The following KCNMB1 variants were observed in gnomAD, a reference collection of about 807,000 sequenced individuals.
KCNMB1 encodes potassium calcium-activated channel subfamily M regulatory beta subunit 1.
KCNMB1 carries 22 observed loss-of-function variants against 21.7 expected under a neutral mutation model. That is an observed-to-expected ratio of 1.01 (90% CI 0.72 to 1.45). The LOEUF (loss-of-function observed/expected upper bound fraction) is 1.45, where lower values mean the gene tolerates loss of function less well. Ranked by LOEUF, KCNMB1 falls within the 40% of genes most tolerant of loss-of-function variation. KCNMB1 has a pLI of 0.00. For synonymous variants in KCNMB1, 114 were observed against 107.6 expected, an observed-to-expected ratio of 1.06 and a Z score of -0.37; for missense variants, 243 against 243.4, an observed-to-expected ratio of 1.00 and a Z score of 0.01.
intron 3 of KCNMB1, 146 bp downstream of exon 3, chr5:170,383,533 G>A: frequency 1.2e-6 from 1 of 856,192 alleles, no homozygotes. Flanking sequence ...ACACAGAAGA[G>A]CTAGGGCTGG....
chr5:170,386,339 G>A (rs912941023), intron 1 of KCNMB1, among the ~76,000 whole-genome samples: 1 of 152,150 alleles, frequency 6.6e-6, no homozygotes, highest in Admixed American at 6.6e-5. Flanking sequence ...AGCTGGCGGG[G>A]GCAAGGAACA....
Position 170,376,414 on chromosome 5 carries a change from C to G in KCNMB1, c.*2290G>C, listed in dbSNP as rs930631369. On this transcript the variant is annotated 3_prime_UTR_variant, in exon 4 of 4. Coordinates refer to ENST00000274629, the MANE Select transcript of KCNMB1 (RefSeq NM_004137.4). ...TCCTGACCTCGTGATCTGCCCACCTCGGCCTCCCAAAGTGCTGGGATTACA... is the reference window on the plus strand; with the variant it reads ...TCCTGACCTCGTGATCTGCCCACCTGGGCCTCCCAAAGTGCTGGGATTACA... 1 of 151,990 alleles carries G rather than the reference C, an allele frequency of 6.6e-6. No individual in the cohort carries two copies. The allele number at this position is 151,990 out of a possible 1,614,324, so 9.4% of individuals were successfully genotyped here.
At chr5:170,380,466 T>C (rs745837735) in intron 3 of KCNMB1, among the ~76,000 whole-genome samples, 2 of 152,244 alleles carry the variant, frequency 1.3e-5, no homozygotes, top group African/African-American at 2.4e-5. Context: ...GGCCACTCCC[T>C]GGATTTATAT....
At chr5:170,383,588 T>A (rs768979361) in intron 3 of KCNMB1, 91 bp downstream of exon 3, 2 of 1,442,738 alleles carry the variant, frequency 1.4e-6, no homozygotes, top group South Asian at 2.4e-5. Flanking sequence ...TGGGTTGATC[T>A]TTCTCAGCCT....
chr5:170,379,529 G>T (rs1245184651), intron 3 of KCNMB1, among the ~76,000 whole-genome samples: 2 of 152,164 alleles, frequency 1.3e-5, no homozygotes, highest in Non-Finnish European at 2.9e-5. Flanking sequence ...GTGCCAGGAA[G>T]AATTGCCAGG....
In KCNMB1 at chr5:170,378,587, G is replaced by T; in HGVS notation, c.*117C>A. The T allele has an allele frequency of 2.8e-6, 3 of 1,068,134 alleles. No individual in the cohort carries two copies. The highest frequency in any genetic ancestry group is 4.1e-6 in the Non-Finnish European group (3 of 733,862). 66.2% of individuals were successfully genotyped at this position (1,068,134 alleles called of 1,614,324 possible). On this transcript the variant is annotated 3_prime_UTR_variant, in exon 4 of 4. Coordinates refer to ENST00000274629, the MANE Select transcript of KCNMB1 (RefSeq NM_004137.4). Reference sequence around the variant, plus strand: ...CCTGCAACAGAAGACAGCGTGGATTGGACTGGAAGAGTGGGAGGGCAGGTG... The same window carrying T: ...CCTGCAACAGAAGACAGCGTGGATTTGACTGGAAGAGTGGGAGGGCAGGTG...
At chr5:170,379,909 G>A (rs1031531012) in intron 3 of KCNMB1, among the ~76,000 whole-genome samples, 7 of 149,560 alleles carry the variant, frequency 4.7e-5, no homozygotes, top group East Asian at 2.0e-4. Flanking sequence ...CTATGATCTC[G>A]CAACTACACT....
Position 170,378,647 on chromosome 5 carries a change from T to A in KCNMB1, c.*57A>T. On this transcript the variant is annotated 3_prime_UTR_variant, in exon 4 of 4. Coordinates refer to ENST00000274629, the MANE Select transcript of KCNMB1 (RefSeq NM_004137.4). ...TTGTGCTGCAAGTGGGGAGCAGCCC[T>A]GGGGGCCCAGCCAGTCCCCTGTGCC... 1 of 1,532,442 alleles carries A rather than the reference T, an allele frequency of 6.5e-7. No individual in the cohort carries two copies. Among genetic ancestry groups the A allele is most frequent in the South Asian group, 1.3e-5 (1 of 77,004 alleles). The allele number at this position is 1,532,442 out of a possible 1,614,324, so 94.9% of individuals were successfully genotyped here.
chr5:170,382,407 TTAA>T (rs1764278593), intron 3 of KCNMB1, among the ~76,000 whole-genome samples: 1 of 152,186 alleles, frequency 6.6e-6, no homozygotes, highest in Non-Finnish European at 1.5e-5. Flanking sequence ...CACTCACATT[TTAA>T]TTCCATATTG....
chr5:170,382,227 T>A (rs1440473964), intron 3 of KCNMB1, among the ~76,000 whole-genome samples: 1 of 152,174 alleles, frequency 6.6e-6, no homozygotes, highest in African/African-American at 2.4e-5. Context: ...AAGATTCCCA[T>A]TGCCAACAGC....
chr5:170,383,374 C>G, intron 3 of KCNMB1: 1 of 594,656 alleles, frequency 1.7e-6, no homozygotes, highest in Non-Finnish European at 3.0e-6. Context: ...TTATATACAG[C>G]GTCTCTGACT....
At chr5:170,386,081 C>T (rs1426542379) in intron 1 of KCNMB1, among the ~76,000 whole-genome samples, 7 of 150,668 alleles carry the variant, frequency 4.6e-5, no homozygotes, top group East Asian at 1.9e-4. Flanking sequence ...AGCAGAGATG[C>T]GCCACTGCAC....
At chr5:170,388,595 T>C (rs997271038) in intron 1 of KCNMB1, among the ~76,000 whole-genome samples, 2 of 152,102 alleles carry the variant, frequency 1.3e-5, no homozygotes, top group Non-Finnish European at 2.9e-5. Context: ...GACTTTGGAG[T>C]GTCCTGGGTG....
rs1764010153 is a variant in KCNMB1 at position 170,376,463 on chromosome 5, GA to G, written c.*2240del. The G allele has an allele frequency of 6.6e-6, 1 of 152,014 alleles. No homozygotes were observed. Among genetic ancestry groups the G allele is most frequent in the Admixed American group, 6.6e-5 (1 of 15,258 alleles). The allele number at this position is 152,014 out of a possible 1,614,324, so 9.4% of individuals were successfully genotyped here. ...CAGGTGTGAGCCACCACGCCCGGCC[GA>G]CTTTTTCTTGTTACTAACAATAGCT... On this transcript the variant is annotated 3_prime_UTR_variant, in exon 4 of 4. Coordinates refer to ENST00000274629, the MANE Select transcript of KCNMB1 (RefSeq NM_004137.4).
intron 2 of KCNMB1, among the ~76,000 whole-genome samples, chr5:170,384,151 G>A (rs1277399266): frequency 1.3e-5 from 2 of 152,228 alleles, no homozygotes; most frequent in Non-Finnish European, 2.9e-5. Flanking sequence ...ACACCCCAGA[G>A]CAAGTGAATC....
intron 3 of KCNMB1, among the ~76,000 whole-genome samples, chr5:170,381,204 A>T (rs1305811223): frequency 1.3e-5 from 2 of 152,144 alleles, no homozygotes; most frequent in Non-Finnish European, 2.9e-5. Context: ...TTCATGGCCA[A>T]ACCCAGAAGC....
rs140150557 is a variant in KCNMB1, at chr5:170,379,079, G to A, written c.307-106C>T. On this transcript the variant is annotated intron_variant, in intron 3 of 3. Coordinates refer to ENST00000274629, the MANE Select transcript of KCNMB1 (RefSeq NM_004137.4). The stretch of plus-strand genomic sequence containing the variant: ...TACCAGCTTTGTAGTCGGGCCCCTG[G>A]ATTGGAGTCGGGGCTTTGGTCTAAA... 5.3e-4 allele frequency: 713 copies of A among 1,354,432 alleles called. 4 individuals carry two copies. The African/African-American group carries it at 8.9e-3, about 17-fold the overall frequency. The allele number at this position is 1,354,432 out of a possible 1,614,324, so 83.9% of individuals were successfully genotyped here.
In KCNMB1 at chr5:170,375,695, T is replaced by TCCTA. The variant is rs1763971654; in HGVS notation, c.*3005_*3008dup. 6.6e-6 allele frequency: 1 copy of TCCTA among 152,342 alleles called. No homozygotes were observed. The highest frequency in any genetic ancestry group is 2.4e-5 in the African/African-American group (1 of 41,464). The allele number at this position is 152,342 out of a possible 1,614,324, so 9.4% of individuals were successfully genotyped here. The stretch of plus-strand genomic sequence containing the variant: ...TGGAACACACAGCTCCAGGCTTGAG[T>TCCTA]CCTAGCCCCTCACTTTACAGATGGC... On this transcript the variant is annotated 3_prime_UTR_variant, in exon 4 of 4. Coordinates refer to ENST00000274629, the MANE Select transcript of KCNMB1 (RefSeq NM_004137.4).
intron 3 of KCNMB1, among the ~76,000 whole-genome samples, chr5:170,380,961 G>A (rs1432872636): frequency 1.3e-5 from 2 of 152,154 alleles, no homozygotes; most frequent in Admixed American, 6.5e-5. Flanking sequence ...CCCAGCACAC[G>A]ATAAGAACTC....
Sources: gnomAD v4.1 joint callset for allele counts (sites outside exome capture counted in the v4.1 genomes callset) on GRCh38, gnomAD v4.1.1 for gene constraint, MANE v1.5 for transcripts, NCBI Gene and HGNC (gene_info 2026-07-23, HGNC 2026-07-21) for gene names.